ERBB4: variants seen among roughly 807,000 people sequenced by gnomAD.
ERBB4 encodes receptor tyrosine-protein kinase erbB-4.
Under a neutral mutation model 158.0 loss-of-function variants are expected in ERBB4, and 42 were observed. The ratio of observed to expected loss-of-function variants is 0.27; its 90% CI spans 0.21 to 0.34. ERBB4 has a LOEUF of 0.34. Ranked by LOEUF, ERBB4 falls within the 10% of genes least tolerant of loss-of-function variation. The pLI is 1.00. For synonymous variants in ERBB4, 583 were observed against 558.7 expected, an observed-to-expected ratio of 1.04 and a Z score of -0.61; for missense variants, 1,333 against 1,624.1, an observed-to-expected ratio of 0.82 and a Z score of 3.08.
intron 1 of ERBB4, among the ~76,000 whole-genome samples, chr2:212,301,569 A>G (rs992900391): frequency 6.6e-6 from 1 of 151,426 alleles, no homozygotes; most frequent in Non-Finnish European, 1.5e-5. Context: ...TGTTGGACAT[A>G]TCTTGGTAAA....
chr2:212,403,784 TGAA>T (rs1560225603), intron 1 of ERBB4, among the ~76,000 whole-genome samples: 1 of 152,060 alleles, frequency 6.6e-6, no homozygotes, highest in African/African-American at 2.4e-5. Context: ...TTATGGAAGA[TGAA>T]TAAATTCTAA....
chr2:212,039,216 A>G (rs1050817668), intron 2 of ERBB4, among the ~76,000 whole-genome samples: 1 of 152,184 alleles, frequency 6.6e-6, no homozygotes, highest in African/African-American at 2.4e-5. Flanking sequence ...AGAATCACTA[A>G]TAAATCCCAT....
intron 20 of ERBB4, among the ~76,000 whole-genome samples, chr2:211,461,508 T>C (rs2064529934): frequency 6.6e-6 from 1 of 152,148 alleles, no homozygotes; most frequent in South Asian, 2.1e-4. Flanking sequence ...AGAAGGGTTG[T>C]TCCTTTTGCA....
At position 211,378,970 on chromosome 2, in the gene ERBB4, T is replaced by C. The variant is rs2062528315; in HGVS notation, c.*4645A>G. On this transcript the variant is annotated 3_prime_UTR_variant, in exon 28 of 28. Transcript: ENST00000342788. ...GCCCACAGTATACAGTAGAAGTTAA[T>C]TTATCTGGTTTTTTTAACAACTAGA... is the stretch of plus-strand genomic sequence containing the variant. 4.3e-6 allele frequency: 1 copy of C among 231,830 alleles called. No homozygotes were observed. Among genetic ancestry groups the C allele is most frequent in the African/African-American group, 2.2e-5 (1 of 45,234 alleles). The allele number at this position is 231,830 out of a possible 1,614,324, so 14.4% of individuals were successfully genotyped here. A position where few individuals can be genotyped will look rare whatever the true frequency, so the allele number is the denominator to read the frequency against.
chr2:211,513,370 A>C lies in ERBB4; in HGVS notation c.2487+48533T>G, dbSNP rs866797826. On this transcript the variant is annotated intron_variant, in intron 20 of 27. Transcript: ENST00000342788. ...GAGACTCCGTCTCAAAAAAAAAAAAAAAAAAACAAAAAAAAAACACTGATC... is the reference window on the plus strand; with the variant it reads ...GAGACTCCGTCTCAAAAAAAAAAAACAAAAAACAAAAAAAAAACACTGATC... Among the ~76,000 whole-genome samples, 526 of 136,798 alleles carry C rather than the reference A, an allele frequency of 3.8e-3. 6 individuals are homozygous for C. Among genetic ancestry groups the C allele is most frequent in the African/African-American group, 0.016 (497 of 31,902 alleles). 89.7% of individuals were successfully genotyped at this position (136,798 alleles called of 152,430 possible). A position where few individuals can be genotyped will look rare whatever the true frequency, so the allele number is the denominator to read the frequency against.
chr2:212,452,269 C>G (rs1193187144), intron 1 of ERBB4, among the ~76,000 whole-genome samples: 1 of 152,020 alleles, frequency 6.6e-6, no homozygotes, highest in Non-Finnish European at 1.5e-5. Context: ...TGTCAGTCTT[C>G]TGAAAAGATT....
chr2:212,084,967 A>G (rs2078559590), intron 2 of ERBB4, among the ~76,000 whole-genome samples: 1 of 151,978 alleles, frequency 6.6e-6, no homozygotes, highest in African/African-American at 2.4e-5. Flanking sequence ...TTTAAAATCT[A>G]AGTGTAATAG....
At position 211,726,392 on chromosome 2, in the gene ERBB4, C is replaced by T. The variant is rs190299242; in HGVS notation, c.623-1198G>A. Among the ~76,000 whole-genome samples the T allele has an allele frequency of 4.2e-3, 641 of 152,160 alleles. 4 individuals are homozygous for T. Among genetic ancestry groups the T allele is most frequent in the African/African-American group, 0.015 (625 of 41,512 alleles). On this transcript the variant is annotated intron_variant, in intron 5 of 27. Transcript: ENST00000342788. ...GCATTTCTAGCTGTCTACAGAAGTCCCCATTTTGATATGCAAGGTGTACAA... is the reference window on the plus strand; with the variant it reads ...GCATTTCTAGCTGTCTACAGAAGTCTCCATTTTGATATGCAAGGTGTACAA...
At chr2:211,543,016 G>T (rs2066853145) in intron 20 of ERBB4, among the ~76,000 whole-genome samples, 1 of 151,910 alleles carries the variant, frequency 6.6e-6, no homozygotes, top group Non-Finnish European at 1.5e-5. Flanking sequence ...TATTTTTCCT[G>T]CCTGTGTTAT....
At chr2:212,070,092 C>G (rs954822535) in intron 2 of ERBB4, among the ~76,000 whole-genome samples, 1 of 151,910 alleles carries the variant, frequency 6.6e-6, no homozygotes, top group East Asian at 1.9e-4. Flanking sequence ...TGTACTCTAG[C>G]CTGGCTGACA....
intron 20 of ERBB4, among the ~76,000 whole-genome samples, chr2:211,552,475 A>G (rs776555413): frequency 1.3e-4 from 20 of 152,128 alleles, no homozygotes; most frequent in Non-Finnish European, 2.6e-4. Context: ...TAATCTGTGA[A>G]TCATCTTGAA....
intron 5 of ERBB4, among the ~76,000 whole-genome samples, chr2:211,734,246 T>G (rs2074527359): frequency 6.6e-6 from 1 of 152,148 alleles, no homozygotes; most frequent in Admixed American, 6.5e-5. Context: ...CTTACTTGTT[T>G]ATGAGCAAAT....
intron 1 of ERBB4, among the ~76,000 whole-genome samples, chr2:212,165,831 T>C (rs1026586070): frequency 1.3e-5 from 2 of 152,084 alleles, no homozygotes; most frequent in Non-Finnish European, 1.5e-5. Flanking sequence ...CTCTGTTACA[T>C]AAAACAGAAC....
At chr2:211,970,180 C>T (rs1301731746) in intron 2 of ERBB4, among the ~76,000 whole-genome samples, 6 of 152,068 alleles carry the variant, frequency 3.9e-5, no homozygotes, top group Non-Finnish European at 7.4e-5. Context: ...TATTCAATTT[C>T]CACATAATTG....
At chr2:212,292,544 T>C (rs1011733550) in intron 1 of ERBB4, among the ~76,000 whole-genome samples, 7 of 152,086 alleles carry the variant, frequency 4.6e-5, no homozygotes, top group Admixed American at 1.3e-4. Context: ...TCTATTAAAA[T>C]TAGTTTAGAT....
intron 5 of ERBB4, among the ~76,000 whole-genome samples, chr2:211,727,752 C>T (rs913164372): frequency 2.0e-5 from 3 of 151,854 alleles, no homozygotes; most frequent in African/African-American, 7.3e-5. Flanking sequence ...AATATTCTTC[C>T]ATTTGACATG....
intron 1 of ERBB4, among the ~76,000 whole-genome samples, chr2:212,399,559 T>TATAC (rs2091136274): frequency 4.3e-5 from 1 of 23,420 alleles, no homozygotes; most frequent in Non-Finnish European, 8.2e-5. Context: ...TATATATATA[T>TATAC]ATATATATAT....
chr2:212,216,466 A>G (rs187921024), intron 1 of ERBB4, among the ~76,000 whole-genome samples: 31 of 151,426 alleles, frequency 2.0e-4, no homozygotes, highest in African/African-American at 5.5e-4. Context: ...TCCCATGTAG[A>G]GAGTGGGTTG....
chr2:212,289,205 A>T (rs1373531473), intron 1 of ERBB4, among the ~76,000 whole-genome samples: 2 of 152,306 alleles, frequency 1.3e-5, no homozygotes, highest in Middle Eastern at 3.4e-3. Flanking sequence ...CTACTTTTTT[A>T]AAATGAATAT....
Sources: gnomAD v4.1 joint callset for allele counts (sites outside exome capture counted in the v4.1 genomes callset) on GRCh38, gnomAD v4.1.1 for gene constraint, MANE v1.5 for transcripts, NCBI Gene and HGNC (gene_info 2026-07-23, HGNC 2026-07-21) for gene names.